Variants in DLG2 observed in about 807,000 individuals in gnomAD.
DLG2 encodes the protein disks large homolog 2.
DLG2 carries 45 observed loss-of-function variants against 132.5 expected under a neutral mutation model. The ratio of observed to expected loss-of-function variants is 0.34; its 90% CI spans 0.27 to 0.44. The LOEUF is 0.44. Ranked by LOEUF, DLG2 falls within the 20% of genes least tolerant of loss-of-function variation. The probability of loss-of-function intolerance (pLI) is 1.00; values close to 1 mark genes in which losing one functional copy is unlikely to be tolerated. For missense variants in DLG2, 1,045 were observed against 1,196.9 expected (o/e 0.87, Z 1.87); for synonymous variants, 424 against 419.6 (o/e 1.01, Z -0.13).
At chr11:84,864,786 G>A (rs1279127757) in intron 6 of DLG2, among the ~76,000 whole-genome samples, 1 of 152,044 alleles carries the variant, frequency 6.6e-6, no homozygotes, top group Non-Finnish European at 1.5e-5. Context: ...GGGAAGGTCG[G>A]GAAAGCTTTA....
chr11:84,889,029 C>A (rs2088844121), intron 6 of DLG2, among the ~76,000 whole-genome samples: 1 of 152,270 alleles, frequency 6.6e-6, no homozygotes, highest in South Asian at 2.1e-4. Flanking sequence ...CTTATGTTTT[C>A]TATCCTTGGC....
rs151119907 is a variant in DLG2, at chr11:85,455,085, T to C, written c.40+143572A>G. 9.4e-3 allele frequency among the ~76,000 whole-genome samples: 1,427 copies of C among 152,330 alleles called. 19 individuals are homozygous for C. The highest frequency in any genetic ancestry group is 0.031 in the African/African-American group (1,277 of 41,582). ...AATGTCATTGATAGTTTGATAGGAA[T>C]AGCATTGAATCTGTAAATTACTTTG... is the stretch of plus-strand genomic sequence containing the variant. On this transcript the variant is annotated intron_variant, in intron 3 of 27. Coordinates refer to ENST00000376104, the MANE Select transcript of DLG2 (RefSeq NM_001142699.3).
intron 6 of DLG2, among the ~76,000 whole-genome samples, chr11:84,782,895 C>T (rs1233014236): frequency 2.0e-5 from 3 of 152,158 alleles, no homozygotes; most frequent in African/African-American, 7.2e-5. Flanking sequence ...CCAGCATCAG[C>T]GTACCTTTCT....
chr11:84,784,321 A>AAAAT (rs58436058), intron 6 of DLG2, among the ~76,000 whole-genome samples: 22,681 of 124,044 alleles, frequency 0.18, 2,090 homozygotes, highest in Admixed American at 0.23. Context: ...ACTCCACCTC[A>AAAAT]AAATAAATAA....
At chr11:84,933,715 T>A (rs1439626165) in intron 6 of DLG2, among the ~76,000 whole-genome samples, 1 of 152,204 alleles carries the variant, frequency 6.6e-6, no homozygotes, top group Non-Finnish European at 1.5e-5. Context: ...TCATGTTATA[T>A]CCTGAGACTT....
intron 6 of DLG2, among the ~76,000 whole-genome samples, chr11:84,856,507 A>G (rs529724201): frequency 3.9e-5 from 6 of 152,210 alleles, no homozygotes; most frequent in Admixed American, 1.3e-4. Context: ...TACCCTTCAC[A>G]TATAATCCAT....
intron 11 of DLG2, among the ~76,000 whole-genome samples, chr11:84,030,561 T>C (rs1477671037): frequency 3.9e-5 from 6 of 152,158 alleles, no homozygotes. Context: ...ATTAACAATA[T>C]TTTTATCTGT....
chr11:83,885,905 T>A (rs1010970901), intron 15 of DLG2, among the ~76,000 whole-genome samples: 1 of 152,132 alleles, frequency 6.6e-6, no homozygotes, highest in African/African-American at 2.4e-5. Flanking sequence ...TGCTGAGATA[T>A]TTTGTCACCA....
At chr11:85,427,753 C>A (rs1190683524) in intron 3 of DLG2, among the ~76,000 whole-genome samples, 1 of 152,210 alleles carries the variant, frequency 6.6e-6, no homozygotes, top group Non-Finnish European at 1.5e-5. Flanking sequence ...ATCATAATGA[C>A]AGGATCAAAT....
At chr11:85,425,234 A>G (rs528747599) in intron 3 of DLG2, among the ~76,000 whole-genome samples, 162 of 152,294 alleles carry the variant, frequency 1.1e-3, no homozygotes, top group Middle Eastern at 0.01. Context: ...TGAAACTTCA[A>G]TGCTTATAAA....
intron 15 of DLG2, among the ~76,000 whole-genome samples, chr11:83,900,487 C>A (rs1473732863): frequency 1.3e-5 from 2 of 152,066 alleles, no homozygotes; most frequent in East Asian, 3.9e-4. Flanking sequence ...AGCCTAGGGA[C>A]TTGGTGCCTT....
chr11:85,476,745 TTC>T (rs201224257), intron 3 of DLG2, among the ~76,000 whole-genome samples: 4,753 of 152,218 alleles, frequency 0.031, 87 homozygotes, highest in Middle Eastern at 0.061. Flanking sequence ...ATTAAAGCTC[TTC>T]AGGGACAATA....
At chr11:83,524,884 T>A (rs1213807386) in intron 21 of DLG2, among the ~76,000 whole-genome samples, 2 of 152,198 alleles carry the variant, frequency 1.3e-5, no homozygotes, top group Admixed American at 1.3e-4. Context: ...AACTGAAATA[T>A]ATTGTAAACA....
At chr11:85,039,706 A>T (rs1045843392) in intron 6 of DLG2, among the ~76,000 whole-genome samples, 4 of 100,518 alleles carry the variant, frequency 4.0e-5, no homozygotes, top group Admixed American at 3.0e-4. Flanking sequence ...AAAATGGATA[A>T]AAAAAAAGTA....
At chr11:84,243,834 A>C (rs916622935) in intron 8 of DLG2, among the ~76,000 whole-genome samples, 5 of 152,194 alleles carry the variant, frequency 3.3e-5, no homozygotes, top group African/African-American at 1.2e-4. Context: ...TATCATAGAT[A>C]CACCCACCTT....
intron 7 of DLG2, among the ~76,000 whole-genome samples, chr11:84,397,539 C>T (rs142025986): frequency 6.6e-6 from 1 of 152,316 alleles, no homozygotes; most frequent in East Asian, 1.9e-4. Flanking sequence ...GTGCAATTCT[C>T]CATGCTCTCT....
chr11:85,596,874 C>T (rs1392679224), intron 3 of DLG2, among the ~76,000 whole-genome samples: 1 of 152,182 alleles, frequency 6.6e-6, no homozygotes, highest in Non-Finnish European at 1.5e-5. Context: ...TACATAGGTG[C>T]CCACATTGAA....
chr11:84,141,607 T>A (rs1418384715), intron 9 of DLG2, among the ~76,000 whole-genome samples: 1 of 152,090 alleles, frequency 6.6e-6, no homozygotes, highest in Non-Finnish European at 1.5e-5. Context: ...ACTTTTGGAC[T>A]CCAGATTTTC....
intron 3 of DLG2, among the ~76,000 whole-genome samples, chr11:85,594,071 T>C (rs2079558950): frequency 6.6e-6 from 1 of 152,166 alleles, no homozygotes; most frequent in African/African-American, 2.4e-5. Context: ...ATTATGGGGA[T>C]ATAAAAAGGG....
Sources: gnomAD v4.1 joint callset for allele counts (sites outside exome capture counted in the v4.1 genomes callset) on GRCh38, gnomAD v4.1.1 for gene constraint, MANE v1.5 for transcripts, NCBI Gene and HGNC (gene_info 2026-07-23, HGNC 2026-07-21) for gene names.